ZNF746: variants seen among roughly 807,000 people sequenced by gnomAD.
ZNF746 encodes zinc finger protein 746, also known as parkin-interacting substrate.
ZNF746 carries 13 observed loss-of-function variants against 41.0 expected under a neutral mutation model. That is an observed-to-expected ratio of 0.32 (90% CI 0.21 to 0.50). The LOEUF is 0.50. ZNF746 is among the 20% of genes least tolerant of loss of function. The pLI, the probability that ZNF746 is intolerant of heterozygous loss-of-function variation, is 0.98. For missense variants in ZNF746, 811 were observed against 922.9 expected (o/e 0.88, Z 1.57); for synonymous variants, 424 against 396.2 (o/e 1.07, Z -0.83).
In ZNF746 at chr7:149,492,720, TA is replaced by T. The variant is rs1209818414; in HGVS notation, c.565+138del. 6 of 676,364 alleles carry T rather than the reference TA, an allele frequency of 8.9e-6. No individual in the cohort carries two copies. In the African/African-American group the frequency reaches 9.0e-5, roughly 10 times the overall value. The allele number at this position is 676,364 out of a possible 1,614,324, so 41.9% of individuals were successfully genotyped here. A position where few individuals can be genotyped will look rare whatever the true frequency, so the allele number is the denominator to read the frequency against. On this transcript the variant is annotated intron_variant, in intron 4 of 6. Transcript: ENST00000458143. ...TAAGTTAGAGATTAAAACTCAACTA[TA>T]AAAAACTCAAGACATAAAACCTGTA... is the stretch of plus-strand genomic sequence containing the variant.
intron 3 of ZNF746, 101 bp downstream of exon 3, chr7:149,493,888 T>C (rs1800894532): frequency 4.4e-6 from 7 of 1,583,742 alleles, no homozygotes; most frequent in African/African-American, 2.7e-5. Context: ...ACAATGTTTC[T>C]GGTGATTTAT....
chr7:149,489,013 T>G (rs1193994354), intron 4 of ZNF746: 7 of 152,228 alleles, frequency 4.6e-5, no homozygotes, highest in Non-Finnish European at 1.0e-4. Context: ...GATCTACATG[T>G]ATCAACATGG....
In ZNF746 at chr7:149,472,880, G is replaced by A. The variant is rs1800146479; in HGVS notation, c.*1504C>T. On this transcript the variant is annotated 3_prime_UTR_variant, in exon 7 of 7. Transcript: ENST00000458143. ...ATATCAATATTAGAAGTGTAAACAG[G>A]TACAAAATATACAGTACATAGAAAC... is the stretch of plus-strand genomic sequence containing the variant. 1 of 152,492 alleles carries A rather than the reference G, an allele frequency of 6.6e-6. No homozygotes were observed. The highest frequency in any genetic ancestry group is 2.4e-5 in the African/African-American group (1 of 41,398). 9.4% of individuals were successfully genotyped at this position (152,492 alleles called of 1,614,324 possible). A position where few individuals can be genotyped will look rare whatever the true frequency, so the allele number is the denominator to read the frequency against.
chr7:149,480,878 T>C (rs1033929263), intron 4 of ZNF746, among the ~76,000 whole-genome samples: 2 of 152,148 alleles, frequency 1.3e-5, no homozygotes, highest in Non-Finnish European at 2.9e-5. Flanking sequence ...AAAGAGGGGT[T>C]CGAAGTTATA....
At chr7:149,482,374 C>T (rs939832738) in intron 4 of ZNF746, among the ~76,000 whole-genome samples, 1 of 151,260 alleles carries the variant, frequency 6.6e-6, no homozygotes, top group Admixed American at 6.6e-5. Context: ...TACCATATCA[C>T]ATGAAATAAA....
intron 4 of ZNF746, chr7:149,490,027 G>C (rs925456553): frequency 6.6e-6 from 1 of 152,390 alleles, no homozygotes; most frequent in South Asian, 2.1e-4. Context: ...AGGATTGCTT[G>C]TATTGCCCTT....
At position 149,474,414 on chromosome 7, in the gene ZNF746, G is replaced by A; in HGVS notation, c.1953C>T (p.Val651=). The change falls in exon 7 of 7, where the codon GTC becomes GTT. Residue 651 remains valine (V), a synonymous_variant. Coordinates refer to ENST00000458143, the MANE Select transcript of ZNF746 (RefSeq NM_001394198.1). The surrounding 1 kb of genome is among the most constrained non-coding windows in gnomAD (Gnocchi z 6.3). ...LVTDWTCGLS[V]LGPTDGGDM The stretch of plus-strand genomic sequence containing the variant: ...TGTCCCCGCCATCGGTGGGTCCCAG[G>A]ACGCTGAGGCCACAAGTCCAGTCGG... 14 of 1,610,278 alleles carry A rather than the reference G, an allele frequency of 8.7e-6. No homozygotes were observed. Among genetic ancestry groups the A allele is most frequent in the South Asian group, 2.2e-5 (2 of 90,174 alleles).
chr7:149,476,891 G>A (rs1189096748), intron 6 of ZNF746, 31 bp downstream of exon 6: 1 of 1,613,388 alleles, frequency 6.2e-7, no homozygotes, highest in Non-Finnish European at 8.5e-7. Context: ...GGCAAGCATG[G>A]CCCTTCCCTT....
rs377057549 is a variant in ZNF746 at position 149,476,878 on chromosome 7, A to G, written c.883+44T>C. On this transcript the variant is annotated intron_variant, in intron 6 of 6. Transcript: ENST00000458143. Reference sequence around the variant, plus strand: ...GGATGCCTGGACCGAGGTACTCCCCACAGGCAAGCATGGCCCTTCCCTTCC... The same window carrying G: ...GGATGCCTGGACCGAGGTACTCCCCGCAGGCAAGCATGGCCCTTCCCTTCC... 257 of 1,612,936 alleles carry G rather than the reference A, an allele frequency of 1.6e-4. No individual in the cohort carries two copies. In the African/African-American group the frequency reaches 3.0e-3, roughly 19 times the overall value.
chr7:149,474,692 ACT>A lies in ZNF746; in HGVS notation c.1673_1674del (p.Glu558ValfsTer2), dbSNP rs1338158594. 6.2e-7 allele frequency: 1 copy of A among 1,612,900 alleles called. No homozygotes were observed. Among genetic ancestry groups the A allele is most frequent in the Admixed American group, 1.7e-5 (1 of 59,986 alleles). On this transcript the variant is annotated frameshift_variant, in exon 7 of 7. Coordinates refer to ENST00000458143, the MANE Select transcript of ZNF746 (RefSeq NM_001394198.1). LOFTEE classifies it high-confidence loss of function. The surrounding 1 kb of genome is among the most constrained non-coding windows in gnomAD (Gnocchi z 6.3). Reference protein sequence around the residue: ...HTGERPFPCTECEKRFTERSK... With the variant: ...HTGERPFPCTXCEKRFTERSK... Reference sequence around the variant, plus strand: ...GAGCGTTCGGTGAAGCGCTTCTCACACTCGGTGCAGGGGAAGGGCCGCTCGCC... The same window carrying A: ...GAGCGTTCGGTGAAGCGCTTCTCACACGGTGCAGGGGAAGGGCCGCTCGCC...
intron 4 of ZNF746, among the ~76,000 whole-genome samples, chr7:149,482,296 C>A (rs150072143): frequency 6.6e-6 from 1 of 151,892 alleles, no homozygotes; most frequent in Non-Finnish European, 1.5e-5. Context: ...AACAGAAGGA[C>A]GCAGAAAGCA....
intron 1 of ZNF746, among the ~76,000 whole-genome samples, chr7:149,496,236 G>A (rs1268336544): frequency 1.3e-5 from 2 of 152,318 alleles, no homozygotes; most frequent in East Asian, 3.9e-4. Flanking sequence ...AAGGTGCATG[G>A]TTTTCTTACA....
At chr7:149,477,129 A>T (rs1157090914) in intron 5 of ZNF746, 82 bp from the exon 6 acceptor site, 1 of 1,476,156 alleles carries the variant, frequency 6.8e-7, no homozygotes, top group Non-Finnish European at 9.0e-7. Flanking sequence ...GAGCAGGCTA[A>T]ACTCTGAGGT....
At chr7:149,493,280 C>G (rs1271859286) in intron 3 of ZNF746, among the ~76,000 whole-genome samples, 9 of 152,190 alleles carry the variant, frequency 5.9e-5, no homozygotes, top group Non-Finnish European at 1.3e-4. Flanking sequence ...CCCAAATGTC[C>G]ACAGTGCCGG....
intron 6 of ZNF746, among the ~76,000 whole-genome samples, chr7:149,476,264 G>GATC (rs1800297386): frequency 7.7e-6 from 1 of 130,286 alleles, no homozygotes; most frequent in Non-Finnish European, 1.5e-5. Flanking sequence ...AGTGAGCAGA[G>GATC]ATCGCCCCAC....
intron 4 of ZNF746, among the ~76,000 whole-genome samples, chr7:149,485,516 T>C (rs910471058): frequency 1.4e-4 from 21 of 152,298 alleles, no homozygotes; most frequent in African/African-American, 4.3e-4. Context: ...AGACGAACTC[T>C]GAAAACCTTT....
At position 149,492,988 on chromosome 7, in the gene ZNF746, A is replaced by C. The variant is rs1242794082; in HGVS notation, c.452-16T>G. ...ATGGCGTAGTCTGAGGAAAGACAGA[A>C]GGTTAGTTTTTGCCACGTTCCAGTC... On this transcript the variant is annotated splice_polypyrimidine_tract_variant and intron_variant, in intron 3 of 6. Transcript: ENST00000458143. 1.9e-6 allele frequency: 3 copies of C among 1,593,230 alleles called. No individual in the cohort carries two copies. The highest frequency in any genetic ancestry group is 2.6e-6 in the Non-Finnish European group (3 of 1,162,210).
chr7:149,474,126 A>C lies in ZNF746; in HGVS notation c.*258T>G, dbSNP rs947002747. On this transcript the variant is annotated 3_prime_UTR_variant, in exon 7 of 7. Transcript: ENST00000458143. This position sits in a 1 kb window ranked among gnomAD's most constrained non-coding sequence, Gnocchi z 6.3. ...TCCTCAAGAATTAAAAAAAAACAAA[A>C]AACAAAAAACAAAACAGGTTTGCAA... The C allele has an allele frequency of 1.9e-5, 10 of 520,922 alleles. No homozygotes were observed. Among genetic ancestry groups the C allele is most frequent in the Non-Finnish European group, 3.4e-5 (10 of 294,558 alleles). 32.3% of individuals were successfully genotyped at this position (520,922 alleles called of 1,614,324 possible). A position where few individuals can be genotyped will look rare whatever the true frequency, so the allele number is the denominator to read the frequency against.
rs1801054810 is a variant in ZNF746 at position 149,497,588 on chromosome 7, C to G, written c.-52G>C. Reference sequence around the variant, plus strand: ...GAGGAAGTCGTCGTCGCCGCCGCCGCGCGCGGCACCACGCAGGCCCGGCCG... The same window carrying G: ...GAGGAAGTCGTCGTCGCCGCCGCCGGGCGCGGCACCACGCAGGCCCGGCCG... On this transcript the variant is annotated 5_prime_UTR_variant, in exon 1 of 7. Coordinates refer to ENST00000458143, the MANE Select transcript of ZNF746 (RefSeq NM_001394198.1). This position sits in a 1 kb window ranked among gnomAD's most constrained non-coding sequence, Gnocchi z 4.2. The G allele has an allele frequency of 9.6e-7, 1 of 1,038,640 alleles. No homozygotes were observed. Among genetic ancestry groups the G allele is most frequent in the African/African-American group, 1.7e-5 (1 of 57,834 alleles). The allele number at this position is 1,038,640 out of a possible 1,614,324, so 64.3% of individuals were successfully genotyped here. A position where few individuals can be genotyped will look rare whatever the true frequency, so the allele number is the denominator to read the frequency against.
Sources: allele counts gnomAD v4.1 joint callset (sites outside exome capture counted in the v4.1 genomes callset), GRCh38; gene constraint gnomAD v4.1.1; non-coding constraint Gnocchi (gnomAD v3.1); transcripts MANE v1.5; gene names NCBI Gene and HGNC (gene_info 2026-07-23, HGNC 2026-07-21).